TNFRSF11A: variants seen among roughly 807,000 people sequenced by gnomAD.
TNFRSF11A encodes the protein TNF receptor superfamily member 11a.
TNFRSF11A carries 32 observed loss-of-function variants against 55.7 expected under a neutral mutation model. The observed-to-expected ratio is 0.57, with a 90% confidence interval of 0.43 to 0.77. The LOEUF (loss-of-function observed/expected upper bound fraction) is 0.77, where lower values mean the gene tolerates loss of function less well. Ranked by LOEUF, TNFRSF11A falls within the 30% of genes least tolerant of loss-of-function variation. The pLI, the probability that TNFRSF11A is intolerant of heterozygous loss-of-function variation, is 0.00. For missense variants in TNFRSF11A, 753 were observed against 809.8 expected (o/e 0.93, Z 0.85); for synonymous variants, 311 against 331.0 (o/e 0.94, Z 0.65).
At position 62,384,905 on chromosome 18, in the gene TNFRSF11A, C is replaced by T; in HGVS notation, c.1722C>T (p.Thr574=). 3 of 1,571,950 alleles carry T rather than the reference C, an allele frequency of 1.9e-6. No individual in the cohort carries two copies. The highest frequency in any genetic ancestry group is 2.6e-6 in the Non-Finnish European group (3 of 1,159,548). The part of the protein sequence containing the change: ...EPMGRPVQEE[T]LARRDSFAGN... ...TGGGCCGCCCGGTGCAGGAGGAGAC[C>T]CTGGCGCGCCGAGACTCCTTCGCGG... Residue 574 remains threonine, a synonymous_variant, in exon 10 of 10, where the codon ACC becomes ACT. Coordinates refer to ENST00000586569, the MANE Select transcript of TNFRSF11A (RefSeq NM_003839.4).
chr18:62,388,006 C>G lies in TNFRSF11A; in HGVS notation c.*2972C>G, dbSNP rs2145413986. 6.6e-6 allele frequency: 1 copy of G among 152,546 alleles called. No homozygotes were observed. Among genetic ancestry groups the G allele is most frequent in the Non-Finnish European group, 1.5e-5 (1 of 68,256 alleles). The allele number at this position is 152,546 out of a possible 1,614,324, so 9.4% of individuals were successfully genotyped here. A position where few individuals can be genotyped will look rare whatever the true frequency, so the allele number is the denominator to read the frequency against. On this transcript the variant is annotated 3_prime_UTR_variant, in exon 10 of 10. Transcript: ENST00000586569. ...TGGTGTGCACCTGCAGTCCTGGCTA[C>G]TCAGGAGGCTGAGGCAGGAGGATGC...
At chr18:62,377,385 ACT>A (rs1376722317) in intron 9 of TNFRSF11A, among the ~76,000 whole-genome samples, 2 of 152,208 alleles carry the variant, frequency 1.3e-5, no homozygotes, top group Non-Finnish European at 2.9e-5. Flanking sequence ...TAAGTTTTCA[ACT>A]TCTTTGGGTA....
At position 62,386,908 on chromosome 18, in the gene TNFRSF11A, G is replaced by A. The variant is rs756432094; in HGVS notation, c.*1874G>A. ...TTTTATTTAACATCATCCACAGAGAGATGTTATACAAATGGAGGAAACCAT... is the reference window on the plus strand; with the variant it reads ...TTTTATTTAACATCATCCACAGAGAAATGTTATACAAATGGAGGAAACCAT... On this transcript the variant is annotated 3_prime_UTR_variant, in exon 10 of 10. Transcript: ENST00000586569. 8 of 152,168 alleles carry A rather than the reference G, an allele frequency of 5.3e-5. No individual in the cohort carries two copies. The highest frequency in any genetic ancestry group is 1.9e-4 in the African/African-American group (8 of 41,428). 9.4% of individuals were successfully genotyped at this position (152,168 alleles called of 1,614,324 possible). A position where few individuals can be genotyped will look rare whatever the true frequency, so the allele number is the denominator to read the frequency against.
At chr18:62,366,797 AT>A (rs1289281331) in intron 8 of TNFRSF11A, 37 bp downstream of exon 8, 1 of 1,604,780 alleles carries the variant, frequency 6.2e-7, no homozygotes. Flanking sequence ...TGTTAAGTAC[AT>A]TCAACAGTTA....
At chr18:62,358,120 A>G in intron 4 of TNFRSF11A, 128 bp from the exon 5 acceptor site, 1 of 821,834 alleles carries the variant, frequency 1.2e-6, no homozygotes, top group Non-Finnish European at 2.0e-6. Context: ...CAGGGGTGGG[A>G]GGTGAGGGCA....
Position 62,335,129 on chromosome 18 carries a change from A to ATTTTTTT in TNFRSF11A, c.75+9712_75+9718dup, listed in dbSNP as rs11289576. On this transcript the variant is annotated intron_variant, in intron 1 of 9. Coordinates refer to ENST00000586569, the MANE Select transcript of TNFRSF11A (RefSeq NM_003839.4). The stretch of plus-strand genomic sequence containing the variant: ...CTGTGACCAAGCCACTGGGGTCGGA[A>ATTTTTTT]TTTTTTTTTTTTTTTTGTTACCCAG... 2.4e-4 allele frequency among the ~76,000 whole-genome samples: 34 copies of ATTTTTTT among 140,706 alleles called. 1 individual carries two copies. Among genetic ancestry groups the ATTTTTTT allele is most frequent in the South Asian group, 1.1e-3 (5 of 4,420 alleles). The allele number at this position is 140,706 out of a possible 152,430, so 92.3% of individuals were successfully genotyped here. A position where few individuals can be genotyped will look rare whatever the true frequency, so the allele number is the denominator to read the frequency against.
intron 1 of TNFRSF11A, among the ~76,000 whole-genome samples, chr18:62,347,497 T>A (rs1267559790): frequency 6.6e-6 from 1 of 152,242 alleles, no homozygotes; most frequent in African/African-American, 2.4e-5. Context: ...AACCAGAGGC[T>A]GAGGAAGCTT....
chr18:62,347,679 G>A (rs937803329), intron 1 of TNFRSF11A, among the ~76,000 whole-genome samples: 13 of 152,086 alleles, frequency 8.5e-5, no homozygotes, highest in African/African-American at 2.7e-4. Context: ...TTGGGAGGCC[G>A]AGGCGGGTGG....
At chr18:62,337,746 C>G (rs1158611796) in intron 1 of TNFRSF11A, among the ~76,000 whole-genome samples, 1 of 152,142 alleles carries the variant, frequency 6.6e-6, no homozygotes, top group Non-Finnish European at 1.5e-5. Flanking sequence ...ATTTCCTTAT[C>G]TGTTTACTTA....
chr18:62,327,658 A>G (rs1038217324), intron 1 of TNFRSF11A, among the ~76,000 whole-genome samples: 4 of 152,230 alleles, frequency 2.6e-5, no homozygotes, highest in African/African-American at 9.6e-5. Context: ...AACACCAGGC[A>G]AGACTTCAGG....
chr18:62,375,322 A>G (rs1478141207), intron 9 of TNFRSF11A, among the ~76,000 whole-genome samples: 1 of 152,054 alleles, frequency 6.6e-6, no homozygotes, highest in Admixed American at 6.5e-5. Flanking sequence ...ACAAAAACAA[A>G]TGTCTGATTA....
At chr18:62,366,549 A>G (rs1334494290) in intron 7 of TNFRSF11A, among the ~76,000 whole-genome samples, 159 bp from the exon 8 acceptor site, 2 of 152,216 alleles carry the variant, frequency 1.3e-5, no homozygotes, top group East Asian at 3.8e-4. Context: ...AAGTGAGATG[A>G]TGGGTATGTT....
Position 62,390,856 on chromosome 18 carries a change from G to A in TNFRSF11A, c.*5822G>A, listed in dbSNP as rs143361224. On this transcript the variant is annotated 3_prime_UTR_variant, in exon 10 of 10. Coordinates refer to ENST00000586569, the MANE Select transcript of TNFRSF11A (RefSeq NM_003839.4). The stretch of plus-strand genomic sequence containing the variant: ...TGGAAAAATAAACATTTTTTACATC[G>A]GGTCTATTGAGTTTGTTATATACAG... The A allele has an allele frequency of 3.4e-4, 52 of 151,968 alleles. No homozygotes were observed. The highest frequency in any genetic ancestry group is 1.1e-3 in the African/African-American group (44 of 41,404). The allele number at this position is 151,968 out of a possible 1,614,324, so 9.4% of individuals were successfully genotyped here.
At chr18:62,358,703 T>C (rs1043543621) in intron 5 of TNFRSF11A, among the ~76,000 whole-genome samples, 1 of 152,240 alleles carries the variant, frequency 6.6e-6, no homozygotes, top group African/African-American at 2.4e-5. Context: ...TATTTGTGTG[T>C]GTGTGTACAT....
chr18:62,349,039 C>T (rs147583192), intron 2 of TNFRSF11A, among the ~76,000 whole-genome samples: 12 of 152,278 alleles, frequency 7.9e-5, no homozygotes, highest in Middle Eastern at 6.8e-3. Context: ...GTTGCCTATC[C>T]AGATGGAAGG....
Position 62,360,009 on chromosome 18 carries a change from G to A in TNFRSF11A, c.576G>A (p.Ala192=), listed in dbSNP as rs368265353. 15 of 1,613,884 alleles carry A rather than the reference G, an allele frequency of 9.3e-6. No homozygotes were observed. The highest frequency in any genetic ancestry group is 1.3e-5 in the Non-Finnish European group (15 of 1,179,900). The stretch of plus-strand genomic sequence containing the variant: ...ATCATGGGACAGAGAAATCCGATGC[G>A]GTTTGCAGTTCTTCTCTGCCAGCTA... The part of the protein sequence containing the change: ...VEHHGTEKSD[A]VCSSSLPARK... Residue 192 remains alanine (A), a synonymous_variant, in exon 6 of 10, where the codon GCG becomes GCA. Transcript: ENST00000586569.
intron 1 of TNFRSF11A, among the ~76,000 whole-genome samples, chr18:62,344,521 A>C (rs1483464651): frequency 6.6e-6 from 1 of 152,224 alleles, no homozygotes; most frequent in South Asian, 2.1e-4. Flanking sequence ...CCTTAAGAAC[A>C]CTTAAGCAGG....
chr18:62,333,315 T>G (rs924485674), intron 1 of TNFRSF11A, among the ~76,000 whole-genome samples: 1 of 152,136 alleles, frequency 6.6e-6, no homozygotes, highest in Non-Finnish European at 1.5e-5. Flanking sequence ...GCCCCCCACC[T>G]ACCGAATCAG....
intron 6 of TNFRSF11A, among the ~76,000 whole-genome samples, chr18:62,360,590 G>C (rs1909609666): frequency 6.6e-6 from 1 of 152,036 alleles, no homozygotes; most frequent in Non-Finnish European, 1.5e-5. Context: ...GGGATTACAG[G>C]CGCACACCAC....
Sources: allele counts gnomAD v4.1 joint callset (sites outside exome capture counted in the v4.1 genomes callset), GRCh38; gene constraint gnomAD v4.1.1; transcripts MANE v1.5; gene names NCBI Gene and HGNC (gene_info 2026-07-23, HGNC 2026-07-21).